The following DIAPH1 variants were observed in gnomAD, a reference collection of about 807,000 sequenced individuals.
DIAPH1 encodes protein diaphanous homolog 1.
A neutral mutation model predicts 140.7 loss-of-function variants in DIAPH1; 46 were observed. The observed-to-expected ratio is 0.33, with a 90% CI of 0.26 to 0.42. The LOEUF is 0.42. DIAPH1 is among the 10% of genes least tolerant of loss of function. The pLI is 1.00. For missense variants in DIAPH1, 1,310 were observed against 1,558.7 expected (o/e 0.84, Z 2.69); for synonymous variants, 565 against 551.6 (o/e 1.02, Z -0.34).
chr5:141,529,967 C>T (rs1266017711), intron 19 of DIAPH1, among the ~76,000 whole-genome samples: 6 of 152,098 alleles, frequency 3.9e-5, no homozygotes, highest in Non-Finnish European at 8.8e-5. Flanking sequence ...ACCTGTAGTC[C>T]CAGCTGCTCG....
chr5:141,582,469 C>A, intron 6 of DIAPH1, 94 bp from the exon 7 acceptor site: 1 of 913,858 alleles, frequency 1.1e-6, no homozygotes, highest in Non-Finnish European at 1.8e-6. Context: ...AACAACAGCC[C>A]CATCTAGCAG....
Position 141,528,925 on chromosome 5 carries a change from C to T in DIAPH1, c.2795G>A (p.Arg932Gln), listed in dbSNP as rs370578225. ...QFGVVMGTVP[R>Q]LRPRLNAILF... The stretch of plus-strand genomic sequence containing the variant: ...AATGGCATTGAGGCGAGGCCGCAGT[C>T]GGGGCACAGTGCCCATCTAGTAAAG... Residue 932 changes from arginine to glutamine, a missense_variant, in exon 22 of 28, where the codon CGA becomes CAA. Physicochemically the swap from Arg to Gln is conservative, Grantham distance 43. This residue lies in a region of DIAPH1 where 344 missense variants were observed against 512.2 expected (regional missense o/e 0.67). Coordinates refer to ENST00000389054, the MANE Select transcript of DIAPH1 (RefSeq NM_005219.5). 1.1e-5 allele frequency: 17 copies of T among 1,613,764 alleles called. No individual in the cohort carries two copies. Among genetic ancestry groups the T allele is most frequent in the South Asian group, 2.2e-5 (2 of 91,030 alleles).
chr5:141,579,490 T>C (rs1596384793), intron 8 of DIAPH1, among the ~76,000 whole-genome samples: 1 of 152,194 alleles, frequency 6.6e-6, no homozygotes. Context: ...GAGGGGCATT[T>C]AACAGTACTA....
rs771490830 is a variant in DIAPH1 at position 141,578,578 on chromosome 5, T to C, written c.981A>G (p.Glu327=). Residue 327 remains glutamate, a synonymous_variant, in exon 10 of 28, where the codon GAA becomes GAG. Transcript: ENST00000389054. The part of the protein sequence containing the change: ...LINALITPAE[E]LDFRVHIRSE... ...TTCTGATGTGAACTCGGAAGTCAAG[T>C]TCCTCCGCTGGTGTGATGAGAGCAT... The C allele has an allele frequency of 2.5e-5, 41 of 1,613,708 alleles. 2 individuals carry two copies. In the South Asian group the frequency reaches 4.5e-4, roughly 18 times the overall value.
In DIAPH1 at chr5:141,573,989, A is replaced by AAGGAGGTGGAGGAGGAGGAGG; in HGVS notation, c.1840_1860dup (p.Pro614_Pro620dup). On this transcript the variant is annotated inframe_insertion, in exon 16 of 28. Coordinates refer to ENST00000389054, the MANE Select transcript of DIAPH1 (RefSeq NM_005219.5). Reference sequence around the variant, plus strand: ...GAGGAGATGCAAACACCCCCAGGCAAAGGAGGTGGAGGAGGAGGAGGAGGA... The same window carrying AAGGAGGTGGAGGAGGAGGAGG: ...GAGGAGATGCAAACACCCCCAGGCAAAGGAGGTGGAGGAGGAGGAGGAGGAGGTGGAGGAGGAGGAGGAGGA... The AAGGAGGTGGAGGAGGAGGAGG allele has an allele frequency of 6.5e-7, 1 of 1,527,570 alleles. No homozygotes were observed. Among genetic ancestry groups the AAGGAGGTGGAGGAGGAGGAGG allele is most frequent in the Non-Finnish European group, 8.8e-7 (1 of 1,132,986 alleles). 94.6% of individuals were successfully genotyped at this position (1,527,570 alleles called of 1,614,324 possible).
chr5:141,580,969 T>C, intron 7 of DIAPH1, 86 bp from the exon 8 acceptor site: 1 of 1,543,464 alleles, frequency 6.5e-7, no homozygotes, highest in Non-Finnish European at 8.9e-7. Flanking sequence ...ATGGGTTGAA[T>C]GGTGTCCTCT....
intron 27 of DIAPH1, among the ~76,000 whole-genome samples, chr5:141,520,970 G>A (rs1352968816): frequency 3.9e-5 from 6 of 152,014 alleles, no homozygotes; most frequent in Non-Finnish European, 8.8e-5. Flanking sequence ...GCGCAATCTC[G>A]GCTCACTGCA....
intron 14 of DIAPH1, 89 bp downstream of exon 14, chr5:141,576,140 CA>C: frequency 8.7e-7 from 1 of 1,147,210 alleles, no homozygotes; most frequent in Middle Eastern, 2.0e-4. Context: ...TCCAAAATAC[CA>C]CAGAGGAAAA....
chr5:141,582,502 C>T (rs1025403239), intron 6 of DIAPH1, 127 bp from the exon 7 acceptor site: 3 of 718,856 alleles, frequency 4.2e-6, no homozygotes, highest in Non-Finnish European at 7.6e-6. Flanking sequence ...TAGGAAATAG[C>T]ACCTTGCCCA....
chr5:141,517,535 G>T (rs749585832), intron 27 of DIAPH1, among the ~76,000 whole-genome samples: 4 of 152,290 alleles, frequency 2.6e-5, no homozygotes, highest in African/African-American at 7.2e-5. Flanking sequence ...CAGCAGCCAC[G>T]CACTGACACC....
chr5:141,584,794 T>C (rs527962905), intron 3 of DIAPH1, among the ~76,000 whole-genome samples: 24 of 152,336 alleles, frequency 1.6e-4, no homozygotes, highest in Admixed American at 1.0e-3. Context: ...TTTCTACATA[T>C]ATAACAACCA....
chr5:141,587,316 G>T, intron 2 of DIAPH1, 119 bp from the exon 3 acceptor site: 1 of 981,730 alleles, frequency 1.0e-6, no homozygotes, highest in Non-Finnish European at 1.6e-6. Flanking sequence ...TTCACAAGCA[G>T]TTCAAGACTC....
At chr5:141,549,873 A>G (rs1451778729) in intron 18 of DIAPH1, among the ~76,000 whole-genome samples, 3 of 152,222 alleles carry the variant, frequency 2.0e-5, no homozygotes, top group Non-Finnish European at 2.9e-5. Context: ...TTAAACCTCA[A>G]TATTTCAGTA....
intron 18 of DIAPH1, chr5:141,558,360 C>T (rs2099892980): frequency 6.6e-6 from 1 of 152,270 alleles, no homozygotes; most frequent in African/African-American, 2.4e-5. Context: ...CCCGGAATCC[C>T]ACCGCTATAG....
chr5:141,606,509 C>T (rs575340377), intron 1 of DIAPH1, among the ~76,000 whole-genome samples: 1 of 152,218 alleles, frequency 6.6e-6, no homozygotes, highest in African/African-American at 2.4e-5. Flanking sequence ...ATTCTCCTGC[C>T]TCGGCCTCCC....
intron 1 of DIAPH1, among the ~76,000 whole-genome samples, chr5:141,606,910 T>C (rs2099901065): frequency 6.7e-6 from 1 of 149,574 alleles, no homozygotes; most frequent in Non-Finnish European, 1.5e-5. Context: ...TCTCCTATAT[T>C]AGATCACAGA....
At chr5:141,517,123 AC>A in intron 27 of DIAPH1, 115 bp from the exon 28 acceptor site, 5 of 1,170,636 alleles carry the variant, frequency 4.3e-6, no homozygotes, top group Non-Finnish European at 6.2e-6. Context: ...TGGCCACTTC[AC>A]AGAGGCCCTT....
chr5:141,594,082 C>G (rs546410179), intron 1 of DIAPH1, among the ~76,000 whole-genome samples: 1 of 152,184 alleles, frequency 6.6e-6, no homozygotes, highest in Non-Finnish European at 1.5e-5. Context: ...TAGGCGTGAG[C>G]CACCGCACCC....
At chr5:141,541,835 G>A (rs1238685561) in intron 18 of DIAPH1, among the ~76,000 whole-genome samples, 3 of 152,038 alleles carry the variant, frequency 2.0e-5, no homozygotes, top group Non-Finnish European at 2.9e-5. Flanking sequence ...GTGAACAAAA[G>A]TTACGTGACC....
Sources: allele counts gnomAD v4.1 joint callset (sites outside exome capture counted in the v4.1 genomes callset), GRCh38; gene constraint gnomAD v4.1.1; regional missense constraint gnomAD v4.1.1; transcripts MANE v1.5; gene names NCBI Gene and HGNC (gene_info 2026-07-23, HGNC 2026-07-21).